The following VPS26A variants were observed in gnomAD, a reference collection of about 807,000 sequenced individuals.
VPS26A encodes the protein VPS26 retromer complex component A, also known as vacuolar protein sorting-associated protein 26A.
VPS26A carries 22 observed loss-of-function variants against 42.4 expected under a neutral mutation model. That is an observed-to-expected ratio of 0.52 (90% CI 0.37 to 0.74). The LOEUF is 0.74. Ranked by LOEUF, VPS26A falls within the 30% of genes least tolerant of loss-of-function variation. The pLI, the probability that VPS26A is intolerant of heterozygous loss-of-function variation, is 0.00. For missense variants in VPS26A, 276 were observed against 379.2 expected, an observed-to-expected ratio of 0.73 and a Z score of 2.26; for synonymous variants, 110 against 123.5, an observed-to-expected ratio of 0.89 and a Z score of 0.73.
rs60734904 is a variant in VPS26A, at chr10:69,126,565, C to CA, written c.3+2308dup. ...CTGGCGACAGAGTGAGACTCCGTCT[C>CA]AAAAAAAAAAAAAAAAAAAAAAATC... is the stretch of plus-strand genomic sequence containing the variant. On this transcript the variant is annotated intron_variant, in intron 1 of 8. Transcript: ENST00000263559. Among the ~76,000 whole-genome samples the CA allele has an allele frequency of 3.9e-4, 53 of 135,772 alleles. 1 individual carries two copies. The highest frequency in any genetic ancestry group is 1.2e-3 in the African/African-American group (40 of 32,560). 89.1% of individuals were successfully genotyped at this position (135,772 alleles called of 152,430 possible). A position where few individuals can be genotyped will look rare whatever the true frequency, so the allele number is the denominator to read the frequency against.
intron 2 of VPS26A, among the ~76,000 whole-genome samples, chr10:69,139,191 A>G (rs1840987647): frequency 1.3e-5 from 2 of 152,186 alleles, no homozygotes; most frequent in African/African-American, 2.4e-5. Flanking sequence ...TGGGAACAAT[A>G]AGGCCTAAGT....
At chr10:69,164,512 CT>C (rs1189540949) in intron 6 of VPS26A, among the ~76,000 whole-genome samples, 1 of 152,066 alleles carries the variant, frequency 6.6e-6, no homozygotes, top group Non-Finnish European at 1.5e-5. Context: ...CCACTGTGCC[CT>C]GAATTCCTTT....
At position 69,163,736 on chromosome 10, in the gene VPS26A, T is replaced by C. The variant is rs547546801; in HGVS notation, c.658+1224T>C. Among the ~76,000 whole-genome samples the C allele has an allele frequency of 8.5e-5, 13 of 152,190 alleles. No individual in the cohort carries two copies. The South Asian group carries it at 1.0e-3, about 12-fold the overall frequency. On this transcript the variant is annotated intron_variant, in intron 6 of 8. Coordinates refer to ENST00000263559, the MANE Select transcript of VPS26A (RefSeq NM_004896.5). ...ATTACCACAGTCAAGCTAATTAATA[T>C]ATTCCATTATAGTTTTAATTTTCAG... is the stretch of plus-strand genomic sequence containing the variant.
intron 6 of VPS26A, among the ~76,000 whole-genome samples, chr10:69,164,965 G>C (rs1841655359): frequency 6.8e-6 from 1 of 146,798 alleles, no homozygotes. Context: ...GTCTCCCTCT[G>C]TTTCCAGGCT....
chr10:69,158,567 G>A (rs1232881828), intron 5 of VPS26A, among the ~76,000 whole-genome samples: 1 of 151,560 alleles, frequency 6.6e-6, no homozygotes, highest in African/African-American at 2.4e-5. Flanking sequence ...CACTGTTAAT[G>A]TCTCCTTGTA....
At chr10:69,125,254 A>T (rs781172453) in intron 1 of VPS26A, among the ~76,000 whole-genome samples, 5 of 152,120 alleles carry the variant, frequency 3.3e-5, no homozygotes, top group Non-Finnish European at 7.3e-5. Flanking sequence ...ATAACTTTTA[A>T]TTTCAGTAAT....
At chr10:69,139,367 A>C (rs1241635955) in intron 2 of VPS26A, among the ~76,000 whole-genome samples, 2 of 151,932 alleles carry the variant, frequency 1.3e-5, no homozygotes. Flanking sequence ...GCGGTGGCAT[A>C]ATCTCGGCTC....
chr10:69,168,235 A>C (rs1266273882), intron 7 of VPS26A, among the ~76,000 whole-genome samples: 1 of 152,172 alleles, frequency 6.6e-6, no homozygotes, highest in Non-Finnish European at 1.5e-5. Flanking sequence ...TTACATTTGG[A>C]GAGTACTACT....
In VPS26A at chr10:69,124,274, G is replaced by C; in HGVS notation, c.-4G>C. 1.9e-5 allele frequency: 24 copies of C among 1,276,886 alleles called. No homozygotes were observed. The highest frequency in any genetic ancestry group is 2.4e-5 in the Non-Finnish European group (24 of 1,006,502). 79.1% of individuals were successfully genotyped at this position (1,276,886 alleles called of 1,614,324 possible). A position where few individuals can be genotyped will look rare whatever the true frequency, so the allele number is the denominator to read the frequency against. ...GTAGGGGGGACGCGGCGGCGGCGTT[G>C]ACAATGGTGAGTGCGCGGCGGCCAG... On this transcript the variant is annotated 5_prime_UTR_variant, in exon 1 of 9. Transcript: ENST00000263559.
chr10:69,125,285 A>AAG (rs1467608065), intron 1 of VPS26A, among the ~76,000 whole-genome samples: 1 of 151,932 alleles, frequency 6.6e-6, no homozygotes, highest in Non-Finnish European at 1.5e-5. Context: ...TCAAAACAAA[A>AAG]CAAAACAAAA....
At chr10:69,136,934 G>C (rs1840924690) in intron 2 of VPS26A, among the ~76,000 whole-genome samples, 2 of 152,130 alleles carry the variant, frequency 1.3e-5, no homozygotes, top group Admixed American at 1.3e-4. Context: ...TGGGATTACA[G>C]GCACGTGCCA....
chr10:69,167,462 G>A (rs1237280708), intron 7 of VPS26A, among the ~76,000 whole-genome samples: 3 of 151,512 alleles, frequency 2.0e-5, no homozygotes, highest in Admixed American at 6.6e-5. Context: ...AAAGCCAGGC[G>A]CGGTGGCTCA....
intron 1 of VPS26A, among the ~76,000 whole-genome samples, 157 bp from the exon 2 acceptor site, chr10:69,132,741 C>T (rs943216536): frequency 3.3e-5 from 5 of 152,090 alleles, no homozygotes; most frequent in African/African-American, 1.2e-4. Context: ...CCATGCCCGG[C>T]CTTTGATGTA....
At chr10:69,147,321 A>C (rs1038848073) in intron 2 of VPS26A, among the ~76,000 whole-genome samples, 3 of 151,892 alleles carry the variant, frequency 2.0e-5, no homozygotes, top group Non-Finnish European at 4.4e-5. Flanking sequence ...ACAAGTCCAG[A>C]TATGTGTTTT....
intron 2 of VPS26A, among the ~76,000 whole-genome samples, chr10:69,149,728 T>G (rs1197402681): frequency 2.1e-4 from 4 of 18,754 alleles, no homozygotes; most frequent in Non-Finnish European, 3.1e-4. Context: ...TTTCTTGGTG[T>G]TTTTTGTTTT....
chr10:69,141,539 A>G (rs549398375), intron 2 of VPS26A, among the ~76,000 whole-genome samples: 64 of 152,354 alleles, frequency 4.2e-4, no homozygotes, highest in East Asian at 2.1e-3. Context: ...AGGGAATACA[A>G]TCATACCATG....
At position 69,168,535 on chromosome 10, in the gene VPS26A, T is replaced by C; in HGVS notation, c.774T>C (p.Thr258=). The change falls in exon 8 of 9, where the codon ACT becomes ACC. Residue 258 remains threonine (T), a synonymous_variant. Coordinates refer to ENST00000263559, the MANE Select transcript of VPS26A (RefSeq NM_004896.5). Reference sequence around the variant, plus strand: ...TATTTTTAGCAGGATATGACCCAACTCCAACAATGAGAGATGTGAACAAAA... The same window carrying C: ...TATTTTTAGCAGGATATGACCCAACCCCAACAATGAGAGATGTGAACAAAA... ...IRLFLAGYDP[T]PTMRDVNKKF... The C allele has an allele frequency of 6.2e-7, 1 of 1,614,090 alleles. No homozygotes were observed. Among genetic ancestry groups the C allele is most frequent in the Non-Finnish European group, 8.5e-7 (1 of 1,180,002 alleles).
intron 2 of VPS26A, among the ~76,000 whole-genome samples, chr10:69,153,045 TG>T (rs1263833319): frequency 6.7e-6 from 1 of 150,248 alleles, no homozygotes; most frequent in East Asian, 1.9e-4. Context: ...AATGTTAAGT[TG>T]TTTTTTTTTT....
At chr10:69,130,580 TAC>T (rs1325049225) in intron 1 of VPS26A, among the ~76,000 whole-genome samples, 10 of 152,188 alleles carry the variant, frequency 6.6e-5, no homozygotes, top group African/African-American at 2.4e-4. Context: ...TATGAAAAAG[TAC>T]ACGAATAGGT....
Sources: allele counts gnomAD v4.1 joint callset (sites outside exome capture counted in the v4.1 genomes callset), GRCh38; gene constraint gnomAD v4.1.1; transcripts MANE v1.5; gene names NCBI Gene and HGNC (gene_info 2026-07-23, HGNC 2026-07-21).